Variants in NAALADL2 observed in about 807,000 individuals in gnomAD.
The protein encoded by NAALADL2 is inactive N-acetylated-alpha-linked acidic dipeptidase-like protein 2.
NAALADL2 carries 76 observed loss-of-function variants against 87.2 expected under a neutral mutation model. The ratio of observed to expected loss-of-function variants is 0.87; its 90% CI spans 0.72 to 1.05. NAALADL2 has a LOEUF of 1.05. Ranked by LOEUF, NAALADL2 falls within the 50% of genes least tolerant of loss-of-function variation. The pLI, the probability that NAALADL2 is intolerant of heterozygous loss-of-function variation, is 0.00. For synonymous variants in NAALADL2, 354 were observed against 331.0 expected, an observed-to-expected ratio of 1.07 and a Z score of -0.75; for missense variants, 1,089 against 945.8, an observed-to-expected ratio of 1.15 and a Z score of -1.99.
At chr3:175,245,800 A>G (rs1747866175) in intron 3 of NAALADL2, among the ~76,000 whole-genome samples, 1 of 152,228 alleles carries the variant, frequency 6.6e-6, no homozygotes, top group Non-Finnish European at 1.5e-5. Flanking sequence ...CTAGTCCACT[A>G]GCTAGTGTCC....
intron 1 of NAALADL2, among the ~76,000 whole-genome samples, chr3:175,034,590 A>G (rs1753190078): frequency 6.6e-6 from 1 of 151,984 alleles, no homozygotes; most frequent in Non-Finnish European, 1.5e-5. Context: ...CCATTTGACT[A>G]TGTTTTATTT....
intron 1 of NAALADL2, among the ~76,000 whole-genome samples, chr3:174,446,127 T>A (rs1715032497): frequency 6.6e-6 from 1 of 152,168 alleles, no homozygotes; most frequent in Non-Finnish European, 1.5e-5. Flanking sequence ...TTTCCCTAAC[T>A]GCTTGTTTAT....
chr3:175,213,115 G>A (rs748195172), intron 2 of NAALADL2, among the ~76,000 whole-genome samples: 5 of 152,066 alleles, frequency 3.3e-5, no homozygotes, highest in South Asian at 2.1e-4. Flanking sequence ...ACAGCAACTC[G>A]GTGAAGTATG....
At chr3:174,628,200 G>A (rs1033143847) in intron 2 of NAALADL2, among the ~76,000 whole-genome samples, 3 of 152,144 alleles carry the variant, frequency 2.0e-5, no homozygotes, top group Admixed American at 6.6e-5. Context: ...ATTTCTGGCC[G>A]GTCGTTGTGG....
chr3:175,250,689 T>A (rs11914379), intron 3 of NAALADL2, among the ~76,000 whole-genome samples: 42,745 of 152,062 alleles, frequency 0.28, 7,039 homozygotes, highest in South Asian at 0.42. Context: ...TCTAGTCATA[T>A]AAGTTGGACA....
In NAALADL2 at chr3:174,787,601, A is replaced by ATATATATATATATATATG. The variant is rs1560225689; in HGVS notation, c.-9+49872_-9+49873insGTATATATATATATATAT. Among the ~76,000 whole-genome samples the ATATATATATATATATATG allele has an allele frequency of 9.8e-4, 89 of 91,184 alleles. 7 individuals are homozygous for ATATATATATATATATATG. Among genetic ancestry groups the ATATATATATATATATATG allele is most frequent in the African/African-American group, 3.0e-3 (79 of 26,008 alleles). The allele number at this position is 91,184 out of a possible 152,430, so 59.8% of individuals were successfully genotyped here. ...CATATATATATATATATATATATATATATATATATATATATATATAGTAGT... is the reference window on the plus strand; with the variant it reads ...CATATATATATATATATATATATATATATATATATATATATATGTATATATATATATATATATAGTAGT... On this transcript the variant is annotated intron_variant, in intron 3 of 3. Transcript: ENST00000434257.
chr3:174,566,392 G>T (rs982505897), intron 2 of NAALADL2, among the ~76,000 whole-genome samples: 5 of 151,696 alleles, frequency 3.3e-5, no homozygotes, highest in Non-Finnish European at 5.9e-5. Flanking sequence ...GTGAGGTGAG[G>T]CTTTATTTGT....
intron 2 of NAALADL2, among the ~76,000 whole-genome samples, chr3:174,704,310 TATC>T (rs1239011585): frequency 6.6e-6 from 1 of 152,170 alleles, no homozygotes; most frequent in Non-Finnish European, 1.5e-5. Context: ...TAAAAAAGAT[TATC>T]ATCAGACAGT....
At chr3:174,709,268 T>A (rs1251379386) in intron 2 of NAALADL2, among the ~76,000 whole-genome samples, 1 of 152,132 alleles carries the variant, frequency 6.6e-6, no homozygotes, top group Non-Finnish European at 1.5e-5. Context: ...TGAATATGGC[T>A]CTGAACTTCC....
At chr3:175,369,095 A>G (rs1281174443) in intron 5 of NAALADL2, among the ~76,000 whole-genome samples, 2 of 152,168 alleles carry the variant, frequency 1.3e-5, no homozygotes, top group African/African-American at 4.8e-5. Flanking sequence ...AAGTAATTGC[A>G]CTAATGTCAC....
chr3:174,902,986 G>A (rs1011850968), intron 1 of NAALADL2, among the ~76,000 whole-genome samples: 27 of 152,022 alleles, frequency 1.8e-4, no homozygotes, highest in Admixed American at 3.9e-4. Flanking sequence ...TACTCCTGGG[G>A]CAAAACTGAT....
At chr3:175,100,678 A>T in intron 2 of NAALADL2, among the ~76,000 whole-genome samples, 1 of 152,038 alleles carries the variant, frequency 6.6e-6, no homozygotes, top group East Asian at 1.9e-4. Context: ...TCTCTACTAA[A>T]AATACAAAAA....
At chr3:174,882,796 CACGTGTGTATATGT>C (rs1266835551) in intron 1 of NAALADL2, among the ~76,000 whole-genome samples, 136 of 104,572 alleles carry the variant, frequency 1.3e-3, no homozygotes, top group African/African-American at 6.2e-3. Context: ...TGTATATATA[CACGTGTGTATATGT>C]GCATATGTGT....
At position 175,362,201 on chromosome 3, in the gene NAALADL2, G is replaced by T. The variant is rs551599067; in HGVS notation, c.1090+37876G>T. 2.0e-3 allele frequency among the ~76,000 whole-genome samples: 302 copies of T among 147,732 alleles called. 27 individuals are homozygous for T. The highest frequency in any genetic ancestry group is 2.7e-3 in the Non-Finnish European group (177 of 66,432). ...TAGATGTGTGGTATTATTTCTGAGG[G>T]CTCTGTTCTGTTCCATTGGTCTATA... is the stretch of plus-strand genomic sequence containing the variant. On this transcript the variant is annotated intron_variant, in intron 5 of 13. Transcript: ENST00000454872.
chr3:174,661,661 G>A (rs1016202944), intron 2 of NAALADL2, among the ~76,000 whole-genome samples: 1 of 152,034 alleles, frequency 6.6e-6, no homozygotes. Context: ...GGCTTTTAGT[G>A]TAACCATCAC....
At chr3:174,643,696 T>C (rs991400944) in intron 2 of NAALADL2, among the ~76,000 whole-genome samples, 3 of 152,184 alleles carry the variant, frequency 2.0e-5, no homozygotes, top group African/African-American at 7.2e-5. Flanking sequence ...TGCTTGTACA[T>C]TGCTTTTGGA....
At position 175,467,096 on chromosome 3, in the gene NAALADL2, A is replaced by G; in HGVS notation, c.1445A>G (p.Lys482Arg). The change falls in exon 8 of 14, where the codon AAG becomes AGG. Residue 482 changes from lysine to arginine, a missense_variant. Physicochemically the swap from Lys to Arg is conservative, Grantham distance 26 (BLOSUM62 2). Transcript: ENST00000454872. ...ATCCGTGCCTTGATGTCAAAAGTTA[A>G]GAGAGGGTGGAGACCAGACCGAACT... ...AFIRALMSKV[K>R]RGWRPDRTIV... is the part of the protein sequence containing the mutation. 2.5e-6 allele frequency: 4 copies of G among 1,613,960 alleles called. No homozygotes were observed. The highest frequency in any genetic ancestry group is 3.4e-6 in the Non-Finnish European group (4 of 1,179,836).
chr3:175,121,252 T>C (rs1030283562), intron 2 of NAALADL2, among the ~76,000 whole-genome samples: 4 of 151,860 alleles, frequency 2.6e-5, no homozygotes, highest in African/African-American at 9.7e-5. Context: ...CATCACTGAT[T>C]ACATACTTGC....
intron 2 of NAALADL2, among the ~76,000 whole-genome samples, chr3:175,132,236 G>C (rs1227782494): frequency 6.7e-5 from 3 of 44,752 alleles, no homozygotes; most frequent in Admixed American, 4.1e-4. Context: ...CTCACCTCCC[G>C]GACGGGGCGG....
Sources: allele counts gnomAD v4.1 joint callset (sites outside exome capture counted in the v4.1 genomes callset), GRCh38; gene constraint gnomAD v4.1.1; transcripts MANE v1.5; gene names NCBI Gene and HGNC (gene_info 2026-07-23, HGNC 2026-07-21).